Variants in TNRC18 observed in about 807,000 individuals in gnomAD.
The protein encoded by TNRC18 is trinucleotide repeat-containing gene 18 protein.
Under a neutral mutation model 226.7 loss-of-function variants are expected in TNRC18, and 69 were observed. The ratio of observed to expected loss-of-function variants is 0.30; its 90% CI spans 0.25 to 0.37. The LOEUF (loss-of-function observed/expected upper bound fraction) is 0.37, where lower values mean the gene tolerates loss of function less well. TNRC18 is among the 10% of genes least tolerant of loss of function. The probability of loss-of-function intolerance (pLI) is 1.00; values close to 1 mark genes in which losing one functional copy is unlikely to be tolerated. For synonymous variants in TNRC18, 2,449 were observed against 1,927.6 expected, an observed-to-expected ratio of 1.27 and a Z score of -7.09; for missense variants, 4,754 against 4,256.6, an observed-to-expected ratio of 1.12 and a Z score of -3.25.
rs1211813579 is a variant in TNRC18 at position 5,312,393 on chromosome 7, G to C, written c.8388+110C>G. The C allele has an allele frequency of 5.5e-6, 8 of 1,442,862 alleles. No homozygotes were observed. The African/African-American group carries it at 8.6e-5, about 15-fold the overall frequency. 89.4% of individuals were successfully genotyped at this position (1,442,862 alleles called of 1,614,324 possible). On this transcript the variant is annotated intron_variant, in intron 27 of 29. Transcript: ENST00000430969. The surrounding 1 kb of genome is among the most constrained non-coding windows in gnomAD (Gnocchi z 6.3). ...AAGTGGGACGCCAGCCCTCCACCCT[G>C]GGGTTCTGGGAGGTTACCACACACG...
intron 21 of TNRC18, among the ~76,000 whole-genome samples, chr7:5,322,009 A>G (rs917672709): frequency 1.3e-5 from 2 of 151,418 alleles, no homozygotes; most frequent in Non-Finnish European, 2.9e-5. Context: ...GCCAGGCGCG[A>G]TGGCTCACAC....
At chr7:5,375,417 G>A (rs1038950888) in intron 9 of TNRC18, among the ~76,000 whole-genome samples, 2 of 152,186 alleles carry the variant, frequency 1.3e-5, no homozygotes, top group African/African-American at 2.4e-5. Context: ...CAAGGACTAG[G>A]CAACGCTAGC....
In TNRC18 at chr7:5,389,179, C is replaced by T; in HGVS notation, c.645G>A (p.Glu215=). ...PAKERAGRGG[E]PPPLFGKKDP... Reference sequence around the variant, plus strand: ...CCTTCTTGCCGAAAAGCGGAGGCGGCTCCCCGCCGCGGCCCGCCCGCTCCT... The same window carrying T: ...CCTTCTTGCCGAAAAGCGGAGGCGGTTCCCCGCCGCGGCCCGCCCGCTCCT... The change falls in exon 5 of 30, where the codon GAG becomes GAA. Residue 215 remains glutamate (E), a synonymous_variant. Transcript: ENST00000430969. The T allele has an allele frequency of 1.5e-6, 2 of 1,316,982 alleles. No homozygotes were observed. The highest frequency in any genetic ancestry group is 1.8e-5 in the South Asian group (1 of 55,958). 81.6% of individuals were successfully genotyped at this position (1,316,982 alleles called of 1,614,324 possible).
chr7:5,418,170 G>A (rs2128223526), intron 2 of TNRC18, among the ~76,000 whole-genome samples: 1 of 152,244 alleles, frequency 6.6e-6, no homozygotes, highest in African/African-American at 2.4e-5. Context: ...CTGAGTCCAG[G>A]CCTCCCAAGC....
At chr7:5,310,268 C>T (rs931711823) in intron 27 of TNRC18, among the ~76,000 whole-genome samples, 13 of 152,034 alleles carry the variant, frequency 8.6e-5, no homozygotes, top group African/African-American at 3.1e-4. Flanking sequence ...CTCACTCTAT[C>T]GCCCAGGCTG....
At chr7:5,393,644 G>A (rs1436213718) in intron 3 of TNRC18, among the ~76,000 whole-genome samples, 1 of 152,166 alleles carries the variant, frequency 6.6e-6, no homozygotes, top group Non-Finnish European at 1.5e-5. Flanking sequence ...GAGGGAGAAG[G>A]AAGTACCTAG....
At position 5,390,631 on chromosome 7, in the gene TNRC18, G is replaced by A. The variant is rs764649874; in HGVS notation, c.344-3C>T. 7.1e-6 allele frequency: 11 copies of A among 1,546,348 alleles called. No individual in the cohort carries two copies. The highest frequency in any genetic ancestry group is 5.2e-6 in the Non-Finnish European group (6 of 1,146,740). On this transcript the variant is annotated splice_region_variant and splice_polypyrimidine_tract_variant and intron_variant, in intron 3 of 29. Transcript: ENST00000430969. ...CCCACTGGGCAGGTGGGAGAAGCCT[G>A]TAACAGAAAAGAGAAAAGCTGGGCT...
At chr7:5,408,298 CA>C (rs55756995) in intron 2 of TNRC18, among the ~76,000 whole-genome samples, 889 of 72,468 alleles carry the variant, frequency 0.012, 8 homozygotes, top group Middle Eastern at 0.028. Flanking sequence ...ACTTCCGTCT[CA>C]AAAAAAAAAA....
chr7:5,307,508 T>TGACA lies in TNRC18; in HGVS notation c.*594_*597dup, dbSNP rs757860401. 2.0e-4 allele frequency: 90 copies of TGACA among 447,266 alleles called. 1 individual carries two copies. The highest frequency in any genetic ancestry group is 1.4e-3 in the South Asian group (87 of 62,976). 27.7% of individuals were successfully genotyped at this position (447,266 alleles called of 1,614,324 possible). A position where few individuals can be genotyped will look rare whatever the true frequency, so the allele number is the denominator to read the frequency against. On this transcript the variant is annotated 3_prime_UTR_variant, in exon 30 of 30. Transcript: ENST00000430969. ...CCGGGCCCTCTCCACCTGGTGCCTT[T>TGACA]GACAGACACTCCGGGCTGCAACCCC... is the stretch of plus-strand genomic sequence containing the variant.
At chr7:5,420,903 C>T (rs1431346754) in intron 2 of TNRC18, 157 bp downstream of exon 2, 1 of 930,916 alleles carries the variant, frequency 1.1e-6, no homozygotes, top group South Asian at 1.4e-5. Flanking sequence ...GGCTCCGGGA[C>T]CAGGAGTTTC....
chr7:5,315,891 G>A, intron 25 of TNRC18, 65 bp downstream of exon 25: 1 of 1,263,058 alleles, frequency 7.9e-7, no homozygotes, highest in Non-Finnish European at 1.1e-6. Flanking sequence ...AGCCGGGCTT[G>A]GAGGGCGAGA....
intron 29 of TNRC18, 80 bp from the exon 30 acceptor site, chr7:5,308,392 GACAGAAGCAGAGGGAGCCCCAGGGACT>G (rs1786798593): frequency 1.5e-6 from 2 of 1,321,524 alleles, no homozygotes; most frequent in Admixed American, 4.7e-5. Context: ...CAGGGACAGA[GACAGAAGCAGAGGGAGCCCCAGGGACT>G]GAGACAGAGA....
intron 26 of TNRC18, among the ~76,000 whole-genome samples, chr7:5,314,489 G>A (rs1214740612): frequency 6.6e-6 from 1 of 150,942 alleles, no homozygotes; most frequent in African/African-American, 2.4e-5. Context: ...AAACCAACCT[G>A]CCTCCCTCAG....
intron 10 of TNRC18, among the ~76,000 whole-genome samples, chr7:5,372,174 TCTC>T (rs987136792): frequency 1.4e-4 from 21 of 151,030 alleles, no homozygotes; most frequent in Middle Eastern, 3.4e-3. Flanking sequence ...TTCACGCCCT[TCTC>T]CTACCTCACC....
At chr7:5,380,708 G>A (rs1779340265) in intron 5 of TNRC18, among the ~76,000 whole-genome samples, 1 of 152,214 alleles carries the variant, frequency 6.6e-6, no homozygotes, top group South Asian at 2.1e-4. Context: ...AAGGGGCCCT[G>A]CCTGTGGACC....
intron 18 of TNRC18, among the ~76,000 whole-genome samples, chr7:5,342,922 C>T (rs1790823729): frequency 1.3e-5 from 2 of 152,174 alleles, no homozygotes; most frequent in Non-Finnish European, 2.9e-5. Flanking sequence ...AACCACCACC[C>T]TAATCAGTCA....
chr7:5,312,796 G>C lies in TNRC18; in HGVS notation c.8095C>G (p.Leu2699Val). 5.2e-6 allele frequency: 8 copies of C among 1,533,644 alleles called. No homozygotes were observed. The highest frequency in any genetic ancestry group is 7.0e-6 in the Non-Finnish European group (8 of 1,144,426). The change falls in exon 27 of 30, where the codon CTC becomes GTC. Residue 2699 changes from leucine (L) to valine (V), a missense_variant. Coordinates refer to ENST00000430969, the MANE Select transcript of TNRC18 (RefSeq NM_001080495.3). This position sits in a 1 kb window ranked among gnomAD's most constrained non-coding sequence, Gnocchi z 6.3. ...GCCTGCTTGGTGGCCTTGGTGGGGA[G>C]CGCCGCCTGCGCGGAAGGGCCAGCC... is the stretch of plus-strand genomic sequence containing the variant. ...PTAGPSAQAA[L>V]PTKATKQAGK...
chr7:5,386,795 T>C (rs1658398876), intron 5 of TNRC18, among the ~76,000 whole-genome samples: 1 of 151,844 alleles, frequency 6.6e-6, no homozygotes, highest in Admixed American at 6.6e-5. Context: ...TAAAACAGGC[T>C]GGGGGCAGTG....
chr7:5,333,634 G>A (rs531737056), intron 18 of TNRC18, among the ~76,000 whole-genome samples: 10 of 145,298 alleles, frequency 6.9e-5, no homozygotes, highest in Admixed American at 2.0e-4. Context: ...CCCAGCTCCC[G>A]GGCTGCTTGA....
Sources: allele counts gnomAD v4.1 joint callset (sites outside exome capture counted in the v4.1 genomes callset), GRCh38; gene constraint gnomAD v4.1.1; non-coding constraint Gnocchi (gnomAD v3.1); transcripts MANE v1.5; gene names NCBI Gene and HGNC (gene_info 2026-07-23, HGNC 2026-07-21).